The following CUBN variants were observed in gnomAD, a reference collection of about 807,000 sequenced individuals.
CUBN encodes the protein cubilin.
A neutral mutation model predicts 405.3 loss-of-function variants in CUBN; 282 were observed. The observed-to-expected ratio is 0.70, with a 90% confidence interval of 0.63 to 0.77. The LOEUF (loss-of-function observed/expected upper bound fraction) is 0.77, where lower values mean the gene tolerates loss of function less well. Among genes scored for constraint, CUBN ranks in the 30% least tolerant of loss-of-function variants. CUBN has a pLI of 0.00. For synonymous variants in CUBN, 1,684 were observed against 1,617.0 expected, an observed-to-expected ratio of 1.04 and a Z score of -0.99; for missense variants, 4,514 against 4,475.2, an observed-to-expected ratio of 1.01 and a Z score of -0.25.
intron 24 of CUBN, 32 bp from the exon 25 acceptor site, chr10:17,045,220 C>A: frequency 6.2e-7 from 1 of 1,603,950 alleles, no homozygotes; most frequent in Non-Finnish European, 8.5e-7. Flanking sequence ...TGACACACAC[C>A]CCTTTCCTTC....
intron 36 of CUBN, among the ~76,000 whole-genome samples, chr10:16,947,032 G>T (rs907177017): frequency 3.3e-5 from 5 of 152,138 alleles, no homozygotes; most frequent in South Asian, 2.1e-4. Context: ...TGTACTTTTG[G>T]AAATGTTAGA....
At chr10:17,126,379 G>C (rs186607650) in intron 4 of CUBN, among the ~76,000 whole-genome samples, 1 of 152,112 alleles carries the variant, frequency 6.6e-6, no homozygotes, top group African/African-American at 2.4e-5. Flanking sequence ...CTAGACTTCC[G>C]AGCTTAGCGT....
intron 28 of CUBN, among the ~76,000 whole-genome samples, chr10:16,998,447 G>C (rs757144109): frequency 3.3e-5 from 5 of 152,142 alleles, no homozygotes; most frequent in Non-Finnish European, 7.4e-5. Flanking sequence ...AGCAAGGAAG[G>C]GTCTTCCCTA....
At chr10:17,041,241 T>C in intron 26 of CUBN, 21 bp from the exon 27 acceptor site, 2 of 1,592,544 alleles carry the variant, frequency 1.3e-6, no homozygotes, top group South Asian at 1.1e-5. Flanking sequence ...AAATGACTGT[T>C]AAGAACCACT....
intron 64 of CUBN, among the ~76,000 whole-genome samples, chr10:16,833,242 T>G (rs1482130170): frequency 8.5e-5 from 13 of 152,282 alleles, no homozygotes; most frequent in Non-Finnish European, 1.3e-4. Flanking sequence ...TTACACTTCA[T>G]ATAAATATTT....
At chr10:16,946,639 G>C (rs765251779) in intron 36 of CUBN, among the ~76,000 whole-genome samples, 30 of 152,014 alleles carry the variant, frequency 2.0e-4, no homozygotes, top group Middle Eastern at 3.4e-3. Flanking sequence ...GGGATTACAG[G>C]TGCCCGCCAC....
rs1836169917 is a variant in CUBN, at chr10:17,088,219, G to A, written c.1892C>T (p.Thr631Ile). ...VTSPDLLVTFTFGTLSLEHHD... is the reference protein window; with the variant it reads ...VTSPDLLVTFIFGTLSLEHHD... ...GTGCTCGAGGCTCAAGGTCCCAAAAGTAAATGTTACCAGGAGGTCAGGACT... is the reference window on the plus strand; with the variant it reads ...GTGCTCGAGGCTCAAGGTCCCAAAAATAAATGTTACCAGGAGGTCAGGACT... Residue 631 changes from threonine to isoleucine, a missense_variant, in exon 15 of 67, where the codon ACT becomes ATT. By Grantham distance (89) the Thr-to-Ile change is moderately conservative. Coordinates refer to ENST00000377833, the MANE Select transcript of CUBN (RefSeq NM_001081.4). 1 of 1,613,744 alleles carries A rather than the reference G, an allele frequency of 6.2e-7. No individual in the cohort carries two copies. Among genetic ancestry groups the A allele is most frequent in the South Asian group, 1.1e-5 (1 of 91,058 alleles).
chr10:16,852,283 T>C (rs1191480608), intron 59 of CUBN, among the ~76,000 whole-genome samples: 383 of 42,836 alleles, frequency 8.9e-3, no homozygotes, highest in Middle Eastern at 0.026. Flanking sequence ...ATCTTTCCCT[T>C]CCTCACTCTA....
intron 30 of CUBN, among the ~76,000 whole-genome samples, chr10:16,983,255 A>G (rs138665230): frequency 0.031 from 4,655 of 152,208 alleles, 101 homozygotes; most frequent in Non-Finnish European, 0.046. Context: ...GGTAATCTAA[A>G]CACTAAATGT....
rs202064421 is a variant in CUBN, at chr10:17,124,395, TTTTTTTC to T, written c.388-713_388-707del. 9.6e-3 allele frequency among the ~76,000 whole-genome samples: 1,457 copies of T among 152,242 alleles called. 9 individuals are homozygous for T. The highest frequency in any genetic ancestry group is 0.029 in the African/African-American group (1,206 of 41,542). On this transcript the variant is annotated intron_variant, in intron 4 of 66. Coordinates refer to ENST00000377833, the MANE Select transcript of CUBN (RefSeq NM_001081.4). The stretch of plus-strand genomic sequence containing the variant: ...GCCTTTGGGTGCAGAGAAAACTTCT[TTTTTTTC>T]TTTTTTCTTTTTTCTTTTCTTTTTG...
At chr10:16,875,888 T>C (rs1223374942) in intron 57 of CUBN, among the ~76,000 whole-genome samples, 1 of 152,148 alleles carries the variant, frequency 6.6e-6, no homozygotes, top group Non-Finnish European at 1.5e-5. Flanking sequence ...ATAAAACAAA[T>C]CCATCCTTCT....
chr10:16,975,970 C>CTT (rs536882786), intron 31 of CUBN, among the ~76,000 whole-genome samples: 7,517 of 131,878 alleles, frequency 0.057, 305 homozygotes, highest in Non-Finnish European at 0.088. Context: ...ACCTTTATTC[C>CTT]TTTTTTTTTT....
intron 28 of CUBN, among the ~76,000 whole-genome samples, chr10:17,012,944 C>T (rs1834224537): frequency 6.6e-6 from 1 of 152,062 alleles, no homozygotes; most frequent in Non-Finnish European, 1.5e-5. Flanking sequence ...GATTTAGATC[C>T]CCTGTTAGGA....
chr10:16,995,402 G>A lies in CUBN; in HGVS notation c.4169-4887C>T, dbSNP rs192664119. ...GTATGAATACTTACTTCATAGGGTT[G>A]TTACATAGAATGAATGAAACAATCC... is the stretch of plus-strand genomic sequence containing the variant. On this transcript the variant is annotated intron_variant, in intron 28 of 66. Transcript: ENST00000377833. Among the ~76,000 whole-genome samples, 87 of 152,310 alleles carry A rather than the reference G, an allele frequency of 5.7e-4. 2 individuals are homozygous for A. The highest frequency in any genetic ancestry group is 5.0e-3 in the Admixed American group (77 of 15,302).
At chr10:17,013,817 A>G (rs1005405076) in intron 28 of CUBN, among the ~76,000 whole-genome samples, 1 of 152,178 alleles carries the variant, frequency 6.6e-6, no homozygotes, top group Non-Finnish European at 1.5e-5. Flanking sequence ...ATCACTAACT[A>G]TGGCACAACC....
chr10:16,999,539 T>C (rs945788464), intron 28 of CUBN, among the ~76,000 whole-genome samples: 1 of 152,218 alleles, frequency 6.6e-6, no homozygotes, highest in South Asian at 2.1e-4. Flanking sequence ...TTGGATGTTT[T>C]TGAAATGATT....
In CUBN at chr10:16,824,446, A is replaced by T. The variant is rs1186492540; in HGVS notation, c.*529T>A. On this transcript the variant is annotated 3_prime_UTR_variant, in exon 67 of 67. Transcript: ENST00000377833. ...TTAAATTTCAGCTCAAAATATTAGA[A>T]TGAAATGCACACTCAAGACTAAAGA... 2.6e-5 allele frequency: 4 copies of T among 156,706 alleles called. No homozygotes were observed. The highest frequency in any genetic ancestry group is 5.7e-5 in the Non-Finnish European group (4 of 70,642). 9.7% of individuals were successfully genotyped at this position (156,706 alleles called of 1,614,324 possible).
At chr10:17,051,922 A>C (rs545368598) in intron 22 of CUBN, among the ~76,000 whole-genome samples, 1 of 152,274 alleles carries the variant, frequency 6.6e-6, no homozygotes, top group South Asian at 2.1e-4. Context: ...TTTTATGAAA[A>C]ATGTCTAGTA....
chr10:16,965,434 C>A (rs1588528302), intron 31 of CUBN, among the ~76,000 whole-genome samples: 1 of 152,160 alleles, frequency 6.6e-6, no homozygotes, highest in Non-Finnish European at 1.5e-5. Context: ...TCAGCGGCTG[C>A]CCCTCTCTGC....
Sources: allele counts gnomAD v4.1 joint callset (sites outside exome capture counted in the v4.1 genomes callset), GRCh38; gene constraint gnomAD v4.1.1; transcripts MANE v1.5; gene names NCBI Gene and HGNC (gene_info 2026-07-23, HGNC 2026-07-21).